The following NRXN1 variants were observed in gnomAD, a reference collection of about 807,000 sequenced individuals.
The protein encoded by NRXN1 is neurexin 1.
In NRXN1, 39 loss-of-function variants were observed where a neutral mutation model predicts 150.9. That is an observed-to-expected ratio of 0.26 (90% CI 0.20 to 0.34). The LOEUF (loss-of-function observed/expected upper bound fraction) is 0.34, where lower values mean the gene tolerates loss of function less well. Among genes scored for constraint, NRXN1 ranks in the 10% least tolerant of loss-of-function variants. The pLI, the probability that NRXN1 is intolerant of heterozygous loss-of-function variation, is 1.00. For synonymous variants in NRXN1, 924 were observed against 757.0 expected, an observed-to-expected ratio of 1.22 and a Z score of -3.62; for missense variants, 1,815 against 1,949.9, an observed-to-expected ratio of 0.93 and a Z score of 1.30.
chr2:50,078,763 C>A (rs1210508099), intron 19 of NRXN1, among the ~76,000 whole-genome samples: 2 of 152,002 alleles, frequency 1.3e-5, no homozygotes, highest in African/African-American at 4.8e-5. Flanking sequence ...AGTGAAGAGC[C>A]TTTCTTAGCA....
intron 17 of NRXN1, among the ~76,000 whole-genome samples, chr2:50,418,149 G>C (rs2083691281): frequency 6.6e-6 from 1 of 151,946 alleles, no homozygotes. Context: ...AGTTATTTAG[G>C]AGATGAAACA....
intron 17 of NRXN1, among the ~76,000 whole-genome samples, chr2:50,264,533 C>T (rs2068640123): frequency 6.6e-6 from 1 of 151,810 alleles, no homozygotes; most frequent in Non-Finnish European, 1.5e-5. Context: ...CAACAAACAG[C>T]AAAATATATA....
chr2:49,976,261 G>A (rs565687709), intron 21 of NRXN1, among the ~76,000 whole-genome samples: 2 of 150,780 alleles, frequency 1.3e-5, no homozygotes, highest in South Asian at 4.2e-4. Flanking sequence ...TCAAACTCCT[G>A]ATCTCGAGTG....
intron 5 of NRXN1, among the ~76,000 whole-genome samples, chr2:50,853,161 A>C (rs1011608973): frequency 6.6e-6 from 1 of 152,140 alleles, no homozygotes; most frequent in Admixed American, 6.6e-5. Flanking sequence ...CTATCTGAGG[A>C]CTATCTGTAT....
chr2:50,893,286 CACTT>C (rs1168849078), intron 5 of NRXN1, among the ~76,000 whole-genome samples: 2 of 152,126 alleles, frequency 1.3e-5, no homozygotes, highest in East Asian at 1.9e-4. Flanking sequence ...AAACTCTTTT[CACTT>C]ACTTATAGTA....
intron 5 of NRXN1, among the ~76,000 whole-genome samples, chr2:50,741,243 C>A (rs936861294): frequency 6.6e-6 from 1 of 151,744 alleles, no homozygotes; most frequent in Non-Finnish European, 1.5e-5. Flanking sequence ...AATAAATGAT[C>A]CTTTTATTGG....
intron 8 of NRXN1, among the ~76,000 whole-genome samples, chr2:50,609,064 CAG>C (rs775023165): frequency 1.3e-4 from 20 of 152,160 alleles, no homozygotes; most frequent in Admixed American, 9.8e-4. Flanking sequence ...AGTCAATAAA[CAG>C]AGGTTTCCTT....
In NRXN1 at chr2:49,986,157, C is replaced by T. The variant is rs577990502; in HGVS notation, c.4129-42366G>A. On this transcript the variant is annotated intron_variant, in intron 21 of 22. Coordinates refer to ENST00000401669, the MANE Select transcript of NRXN1 (RefSeq NM_001330078.2). ...CCAGAAACTCAGATGCCACAGGGCA[C>T]ATATGTTACATAAATAATCACATAA... Among the ~76,000 whole-genome samples the T allele has an allele frequency of 7.9e-5, 12 of 152,270 alleles. No individual in the cohort carries two copies. The South Asian group carries it at 2.5e-3, about 32-fold the overall frequency.
In NRXN1 at chr2:50,496,526, A is replaced by G. The variant is rs552291250; in HGVS notation, c.2880-431T>C. On this transcript the variant is annotated intron_variant, in intron 14 of 22. Transcript: ENST00000401669. The stretch of plus-strand genomic sequence containing the variant: ...ACTCATCCTTCAACATCCAGGTCAG[A>G]TAGCCACTCCCTGCTCCACATGTTT... Among the ~76,000 whole-genome samples the G allele has an allele frequency of 2.0e-5, 3 of 152,268 alleles. No individual in the cohort carries two copies. The South Asian group carries it at 6.2e-4, about 32-fold the overall frequency.
chr2:50,331,861 C>T (rs1446337151), intron 17 of NRXN1, among the ~76,000 whole-genome samples: 1 of 152,100 alleles, frequency 6.6e-6, no homozygotes, highest in Non-Finnish European at 1.5e-5. Flanking sequence ...TCTTGTTCCT[C>T]AAGCAATTGT....
chr2:49,975,815 G>T (rs11889551), intron 21 of NRXN1, among the ~76,000 whole-genome samples: 75,718 of 151,708 alleles, frequency 0.5, 19,282 homozygotes, highest in Middle Eastern at 0.64. Flanking sequence ...AGTAAACTGA[G>T]TAGATAAACT....
At chr2:50,668,285 A>T (rs565371698) in intron 5 of NRXN1, among the ~76,000 whole-genome samples, 2 of 152,122 alleles carry the variant, frequency 1.3e-5, no homozygotes, top group East Asian at 3.9e-4. Context: ...CTCCTTACTT[A>T]ATCAGTGTTC....
At chr2:50,268,603 C>A (rs1481683204) in intron 17 of NRXN1, among the ~76,000 whole-genome samples, 1 of 152,134 alleles carries the variant, frequency 6.6e-6, no homozygotes, top group African/African-American at 2.4e-5. Flanking sequence ...TCCAAGGATC[C>A]CAGGGGGCGA....
intron 8 of NRXN1, among the ~76,000 whole-genome samples, chr2:50,572,643 C>T (rs1459306843): frequency 6.6e-6 from 1 of 152,192 alleles, no homozygotes; most frequent in African/African-American, 2.4e-5. Flanking sequence ...CCTGAAGCTG[C>T]ACAGCTAGTA....
chr2:50,614,917 G>A (rs979011975), intron 8 of NRXN1, among the ~76,000 whole-genome samples: 2 of 152,030 alleles, frequency 1.3e-5, no homozygotes, highest in African/African-American at 2.4e-5. Context: ...CAGTGTTGAT[G>A]CTGGTACACT....
chr2:50,307,125 C>G (rs978415823), intron 17 of NRXN1, among the ~76,000 whole-genome samples: 7 of 152,076 alleles, frequency 4.6e-5, no homozygotes, highest in Non-Finnish European at 7.4e-5. Context: ...TCTGGGACTA[C>G]AGGTGTGCAC....
chr2:50,390,945 C>T (rs907010629), intron 17 of NRXN1, among the ~76,000 whole-genome samples: 14 of 152,238 alleles, frequency 9.2e-5, no homozygotes, highest in African/African-American at 3.1e-4. Flanking sequence ...ATTAGTATTT[C>T]ACAACCTAGA....
At chr2:50,622,298 A>G (rs1270805722) in intron 6 of NRXN1, among the ~76,000 whole-genome samples, 1 of 152,174 alleles carries the variant, frequency 6.6e-6, no homozygotes, top group African/African-American at 2.4e-5. Context: ...TAAACCTTTC[A>G]GAACAGGAAA....
At chr2:50,365,168 T>C (rs557607310) in intron 17 of NRXN1, among the ~76,000 whole-genome samples, 1 of 152,154 alleles carries the variant, frequency 6.6e-6, no homozygotes, top group African/African-American at 2.4e-5. Context: ...GCAGTTCACT[T>C]TTGCTAGCAT....
Sources: gnomAD v4.1 joint callset for allele counts (sites outside exome capture counted in the v4.1 genomes callset) on GRCh38, gnomAD v4.1.1 for gene constraint, MANE v1.5 for transcripts, NCBI Gene and HGNC (gene_info 2026-07-23, HGNC 2026-07-21) for gene names.